The following GAS7 variants were observed in gnomAD, a reference collection of about 807,000 sequenced individuals.
GAS7 encodes the protein growth arrest-specific protein 7.
Under a neutral mutation model 71.1 loss-of-function variants are expected in GAS7, and 28 were observed. The observed-to-expected ratio is 0.39, with a 90% confidence interval of 0.29 to 0.54. GAS7 has a LOEUF of 0.54. Among genes scored for constraint, GAS7 ranks in the 20% least tolerant of loss-of-function variants. The pLI is 0.62. For missense variants in GAS7, 436 were observed against 627.8 expected (o/e 0.69, Z 3.27); for synonymous variants, 258 against 245.8 (o/e 1.05, Z -0.46).
intron 2 of GAS7, among the ~76,000 whole-genome samples, chr17:10,011,632 A>C (rs2071776053): frequency 6.6e-6 from 1 of 152,098 alleles, no homozygotes; most frequent in Non-Finnish European, 1.5e-5. Context: ...AGGTGTTAAC[A>C]CTCAATCCTT....
chr17:10,163,480 A>T (rs1329893451), intron 1 of GAS7, among the ~76,000 whole-genome samples: 1 of 152,204 alleles, frequency 6.6e-6, no homozygotes, highest in African/African-American at 2.4e-5. Context: ...GATTGGAATA[A>T]GATTTAAAGA....
Position 9,969,659 on chromosome 17 carries a change from C to T in GAS7, c.471+18G>A, listed in dbSNP as rs753979295. The T allele has an allele frequency of 5.3e-6, 8 of 1,510,428 alleles. No homozygotes were observed. Among genetic ancestry groups the T allele is most frequent in the Non-Finnish European group, 6.4e-6 (7 of 1,085,530 alleles). 93.6% of individuals were successfully genotyped at this position (1,510,428 alleles called of 1,614,324 possible). A position where few individuals can be genotyped will look rare whatever the true frequency, so the allele number is the denominator to read the frequency against. ...CAGAAGCAGTGACCGCTATACCTCC[C>T]TCAACAGGACCCCTTACCTGGGAAT... On this transcript the variant is annotated intron_variant, in intron 4 of 13. Transcript: ENST00000432992. The surrounding 1 kb of genome is among the most constrained non-coding windows in gnomAD (Gnocchi z 5.5).
rs201930115 is a variant in GAS7 at position 9,917,361 on chromosome 17, T to C, written c.1318-20A>G. 1.3e-5 allele frequency: 20 copies of C among 1,553,082 alleles called. No homozygotes were observed. Among genetic ancestry groups the C allele is most frequent in the Non-Finnish European group, 1.7e-5 (19 of 1,124,260 alleles). ...GACTGTCTGCAAGAGACAGAGAAAA[T>C]GCGACACTGTTAGAGACGGCGGCCA... On this transcript the variant is annotated intron_variant, in intron 13 of 13. Transcript: ENST00000432992.
At position 10,020,711 on chromosome 17, in the gene GAS7, C is replaced by A. The variant is rs148904179; in HGVS notation, c.184-814G>T. Reference sequence around the variant, plus strand: ...CGGATTGCCTAAGCTCAGGAGTTCGCGACCAGCCTGGGCAACACGGTGAAA... The same window carrying A: ...CGGATTGCCTAAGCTCAGGAGTTCGAGACCAGCCTGGGCAACACGGTGAAA... On this transcript the variant is annotated intron_variant, in intron 1 of 13. Transcript: ENST00000432992. 1.4e-3 allele frequency among the ~76,000 whole-genome samples: 212 copies of A among 151,934 alleles called. 2 individuals carry two copies. Among genetic ancestry groups the A allele is most frequent in the African/African-American group, 4.8e-3 (198 of 41,446 alleles).
intron 1 of GAS7, among the ~76,000 whole-genome samples, chr17:10,165,154 T>C (rs1597830063): frequency 1.4e-5 from 2 of 146,550 alleles, no homozygotes; most frequent in Non-Finnish European, 3.0e-5. Flanking sequence ...TAGCTGGGTG[T>C]GGTGGCGGGT....
chr17:10,044,629 AG>A (rs2072921442), intron 1 of GAS7, among the ~76,000 whole-genome samples: 1 of 152,208 alleles, frequency 6.6e-6, no homozygotes, highest in South Asian at 2.1e-4. Context: ...TTTCTAGACT[AG>A]GTAGTCTGTC....
intron 1 of GAS7, among the ~76,000 whole-genome samples, chr17:10,114,951 C>A (rs1247961438): frequency 6.6e-6 from 1 of 152,184 alleles, no homozygotes; most frequent in Non-Finnish European, 1.5e-5. Context: ...CCTCGCTCTG[C>A]CTCTGTGGCT....
chr17:10,014,019 G>A (rs1486685132), intron 2 of GAS7, among the ~76,000 whole-genome samples: 1 of 152,158 alleles, frequency 6.6e-6, no homozygotes, highest in African/African-American at 2.4e-5. Context: ...GGCTCACCAA[G>A]TTCCCATCTC....
intron 9 of GAS7, among the ~76,000 whole-genome samples, chr17:9,927,712 A>G (rs1427537250): frequency 6.6e-6 from 1 of 152,174 alleles, no homozygotes; most frequent in African/African-American, 2.4e-5. Context: ...ATGCCATTCA[A>G]TTAGAAGGTC....
chr17:10,019,701 G>A, intron 2 of GAS7, 76 bp downstream of exon 2: 1 of 1,422,246 alleles, frequency 7.0e-7, no homozygotes, highest in Non-Finnish European at 9.7e-7. Context: ...GGCGAAGAAG[G>A]GAGAAAAAAC....
chr17:9,953,307 T>G (rs969245423), intron 5 of GAS7, among the ~76,000 whole-genome samples: 4 of 152,152 alleles, frequency 2.6e-5, no homozygotes, highest in African/African-American at 4.8e-5. Flanking sequence ...TAAGGACTCA[T>G]CACCCTGCTG....
intron 5 of GAS7, among the ~76,000 whole-genome samples, chr17:9,958,395 C>T (rs542460501): frequency 6.6e-4 from 100 of 152,342 alleles, no homozygotes; most frequent in Non-Finnish European, 1.2e-3. Context: ...GCAGCCTGGA[C>T]GAAGCAGGGA....
At chr17:10,002,409 C>CT (rs113274292) in intron 2 of GAS7, among the ~76,000 whole-genome samples, 31,750 of 150,902 alleles carry the variant, frequency 0.21, 5,092 homozygotes, top group African/African-American at 0.46. Context: ...AAGACCACAT[C>CT]TTTTTATTTT....
intron 1 of GAS7, among the ~76,000 whole-genome samples, chr17:10,170,532 T>C (rs2074328524): frequency 6.6e-6 from 1 of 152,220 alleles, no homozygotes; most frequent in African/African-American, 2.4e-5. Flanking sequence ...CTTCCAGGGC[T>C]TTGCACAGAT....
At chr17:9,955,688 C>T (rs2069202831) in intron 5 of GAS7, among the ~76,000 whole-genome samples, 1 of 152,142 alleles carries the variant, frequency 6.6e-6, no homozygotes, top group East Asian at 1.9e-4. Flanking sequence ...GCCAGGTCCC[C>T]ACCAAAGGCA....
intron 2 of GAS7, among the ~76,000 whole-genome samples, chr17:10,005,243 A>G (rs566325494): frequency 1.8e-3 from 191 of 104,902 alleles, no homozygotes; most frequent in African/African-American, 0.011. Flanking sequence ...ATGTGCGCGC[A>G]TGCATGTGTG....
rs374693881 is a variant in GAS7, at chr17:10,028,260, G to C, written c.184-8363C>G. Among the ~76,000 whole-genome samples, 40 of 152,182 alleles carry C rather than the reference G, an allele frequency of 2.6e-4. 2 individuals are homozygous for C. In the South Asian group the frequency reaches 8.1e-3, roughly 31 times the overall value. ...ATGGTGGTACGCATCTGTAGCTCCA[G>C]GTACTTGAGAGGCTGAGGGGGGAGG... On this transcript the variant is annotated intron_variant, in intron 1 of 13. Coordinates refer to ENST00000432992, the MANE Select transcript of GAS7 (RefSeq NM_201433.2).
chr17:10,097,927 C>T (rs2073659043), intron 1 of GAS7, among the ~76,000 whole-genome samples: 1 of 151,940 alleles, frequency 6.6e-6, no homozygotes, highest in Non-Finnish European at 1.5e-5. Flanking sequence ...GACTGTAATC[C>T]CAGCTATTTG....
At chr17:10,090,324 C>T (rs1597785730) in intron 1 of GAS7, among the ~76,000 whole-genome samples, 1 of 152,234 alleles carries the variant, frequency 6.6e-6, no homozygotes, top group African/African-American at 2.4e-5. Flanking sequence ...TTTCAGTTTA[C>T]AGCATGGAAA....
Sources: gnomAD v4.1 joint callset for allele counts (sites outside exome capture counted in the v4.1 genomes callset) on GRCh38, gnomAD v4.1.1 for gene constraint, Gnocchi (gnomAD v3.1) non-coding constraint, MANE v1.5 for transcripts, NCBI Gene and HGNC (gene_info 2026-07-23, HGNC 2026-07-21) for gene names.